Variants in DNAH8 observed in about 807,000 individuals in gnomAD.
DNAH8 encodes axonemal beta dynein heavy chain 8.
DNAH8 carries 382 observed loss-of-function variants against 562.1 expected under a neutral mutation model. The observed-to-expected ratio is 0.68, with a 90% CI of 0.63 to 0.74. The LOEUF (loss-of-function observed/expected upper bound fraction) is 0.74, where lower values mean the gene tolerates loss of function less well. Among genes scored for constraint, DNAH8 ranks in the 30% least tolerant of loss-of-function variants. DNAH8 has a pLI of 0.00. For synonymous variants in DNAH8, 1,881 were observed against 1,919.4 expected (o/e 0.98, Z 0.52); for missense variants, 5,203 against 5,620.4 (o/e 0.93, Z 2.37).
At chr6:38,922,847 A>G (rs995923823) in intron 71 of DNAH8, among the ~76,000 whole-genome samples, 1 of 152,220 alleles carries the variant, frequency 6.6e-6, no homozygotes, top group Admixed American at 6.5e-5. Context: ...GTCTTACAAA[A>G]TTGCTTTCCT....
intron 17 of DNAH8, among the ~76,000 whole-genome samples, chr6:38,786,259 A>G (rs1391130755): frequency 6.6e-6 from 1 of 152,226 alleles, no homozygotes; most frequent in African/African-American, 2.4e-5. Context: ...TCACAACTCA[A>G]TGGTATTTAA....
Position 38,833,487 on chromosome 6 carries a change from G to C in DNAH8, c.4302+1052G>C, listed in dbSNP as rs527723083. On this transcript the variant is annotated intron_variant, in intron 31 of 92. Transcript: ENST00000327475. ...ATCCCTGAACAGACACAGCCAGTCAGGCTTCTTAAGTTACCTTGCCCTTCC... is the reference window on the plus strand; with the variant it reads ...ATCCCTGAACAGACACAGCCAGTCACGCTTCTTAAGTTACCTTGCCCTTCC... 1.2e-4 allele frequency among the ~76,000 whole-genome samples: 19 copies of C among 152,188 alleles called. No individual in the cohort carries two copies. The South Asian group carries it at 3.9e-3, about 32-fold the overall frequency.
intron 32 of DNAH8, among the ~76,000 whole-genome samples, chr6:38,835,872 A>AGTTG (rs1195466734): frequency 6.7e-6 from 1 of 149,168 alleles, no homozygotes; most frequent in African/African-American, 2.4e-5. Context: ...TTTTTAAAAT[A>AGTTG]GTTGGTTTTT....
chr6:38,752,195 T>A (rs1038246827), intron 9 of DNAH8, among the ~76,000 whole-genome samples: 6 of 151,650 alleles, frequency 4.0e-5, no homozygotes, highest in South Asian at 4.2e-4. Context: ...ATGGAGTCTC[T>A]CTCTGTCACC....
chr6:38,845,212 T>G (rs1033852423), intron 35 of DNAH8, among the ~76,000 whole-genome samples: 6 of 152,240 alleles, frequency 3.9e-5, no homozygotes, highest in African/African-American at 1.4e-4. Context: ...AAGACTCTTA[T>G]GTATATTCTC....
chr6:38,859,094 A>T (rs1177343412), intron 42 of DNAH8, among the ~76,000 whole-genome samples: 1 of 152,242 alleles, frequency 6.6e-6, no homozygotes, highest in Non-Finnish European at 1.5e-5. Context: ...GCCAACATAT[A>T]TGCATTTTAT....
intron 87 of DNAH8, among the ~76,000 whole-genome samples, chr6:38,985,739 C>T (rs558674052): frequency 2.6e-5 from 4 of 152,300 alleles, no homozygotes; most frequent in Admixed American, 6.5e-5. Flanking sequence ...GAGCTGAAGG[C>T]AAGCATCATA....
At chr6:38,986,439 C>T (rs994847396) in intron 87 of DNAH8, among the ~76,000 whole-genome samples, 2 of 151,894 alleles carry the variant, frequency 1.3e-5, no homozygotes, top group South Asian at 2.1e-4. Flanking sequence ...AATAGATGCC[C>T]TCAGAGGGAA....
At chr6:38,938,322 A>G in intron 78 of DNAH8, 96 bp downstream of exon 78, 1 of 1,406,620 alleles carries the variant, frequency 7.1e-7, no homozygotes, top group Non-Finnish European at 9.6e-7. Context: ...TCACAATAGC[A>G]AAGACATGGA....
At chr6:38,866,319 C>A (rs1432847917) in intron 45 of DNAH8, among the ~76,000 whole-genome samples, 1 of 152,060 alleles carries the variant, frequency 6.6e-6, no homozygotes, top group Non-Finnish European at 1.5e-5. Flanking sequence ...AGCCAGCAGA[C>A]ACAATTTTCT....
At chr6:38,951,560 AT>A (rs749508268) in intron 82 of DNAH8, 40 bp downstream of exon 82, 94 of 1,558,886 alleles carry the variant, frequency 6.0e-5, no homozygotes, top group Admixed American at 3.8e-5. Context: ...ACACTTCCAT[AT>A]TTTTTTGCCC....
intron 82 of DNAH8, among the ~76,000 whole-genome samples, chr6:38,964,756 C>T (rs925018134): frequency 2.6e-5 from 4 of 151,990 alleles, no homozygotes; most frequent in Non-Finnish European, 5.9e-5. Flanking sequence ...ACTGTTGAAA[C>T]GTAGAGATAT....
At chr6:38,863,458 CAAAA>C (rs1429413650) in intron 44 of DNAH8, among the ~76,000 whole-genome samples, 2 of 151,722 alleles carry the variant, frequency 1.3e-5, no homozygotes, top group South Asian at 4.2e-4. Context: ...AAAACAAAAA[CAAAA>C]AACCCCAAAA....
At chr6:39,023,784 T>C (rs2395712) in intron 91 of DNAH8, among the ~76,000 whole-genome samples, 4 of 152,132 alleles carry the variant, frequency 2.6e-5, no homozygotes, top group Non-Finnish European at 4.4e-5. Context: ...TGAAAGGACA[T>C]GTATCTTCTC....
intron 85 of DNAH8, among the ~76,000 whole-genome samples, chr6:38,981,950 C>G (rs766195528): frequency 5.3e-5 from 8 of 152,192 alleles, no homozygotes; most frequent in Admixed American, 2.0e-4. Flanking sequence ...TGTATTTTTA[C>G]TGTACCTTTT....
chr6:38,737,126 G>A lies in DNAH8; in HGVS notation c.822G>A (p.Met274Ile). ...SKGLLNGIRD[M>I]LANIFLPAVL... ...GACTCTTAAATGGAATTAGGGATAT[G>A]TTGGCAAATATATTTCTACCAGCTG... Residue 274 changes from methionine to isoleucine, a missense_variant, in exon 6 of 93, where the codon ATG becomes ATA. Coordinates refer to ENST00000327475, the MANE Select transcript of DNAH8 (RefSeq NM_001206927.2). The A allele has an allele frequency of 6.3e-7, 1 of 1,586,316 alleles. No individual in the cohort carries two copies.
chr6:38,769,560 A>G (rs530153977), intron 11 of DNAH8, among the ~76,000 whole-genome samples: 1 of 152,220 alleles, frequency 6.6e-6, no homozygotes, highest in Non-Finnish European at 1.5e-5. Flanking sequence ...CCACTTGCAG[A>G]AATTCTGATT....
chr6:38,918,281 TC>T (rs1781459866), intron 70 of DNAH8, 141 bp downstream of exon 70: 1 of 589,706 alleles, frequency 1.7e-6, no homozygotes. Context: ...TTTCTCTATG[TC>T]CTCTCAAAGT....
intron 73 of DNAH8, among the ~76,000 whole-genome samples, chr6:38,925,442 C>T (rs1262999003): frequency 1.3e-5 from 2 of 151,630 alleles, no homozygotes; most frequent in Non-Finnish European, 2.9e-5. Flanking sequence ...CTCAAGTGAC[C>T]CTCCCAGACT....
Sources: allele counts gnomAD v4.1 joint callset (sites outside exome capture counted in the v4.1 genomes callset), GRCh38; gene constraint gnomAD v4.1.1; transcripts MANE v1.5; gene names NCBI Gene and HGNC (gene_info 2026-07-23, HGNC 2026-07-21).